RAP1GAP2: variants seen among roughly 807,000 people sequenced by gnomAD.
RAP1GAP2 encodes the protein RAP1 GTPase activating protein 2.
A neutral mutation model predicts 95.0 loss-of-function variants in RAP1GAP2; 27 were observed. The ratio of observed to expected loss-of-function variants is 0.28; its 90% CI spans 0.21 to 0.39. RAP1GAP2 has a LOEUF of 0.39. RAP1GAP2 is among the 10% of genes least tolerant of loss of function. The probability of loss-of-function intolerance (pLI) is 1.00; values close to 1 mark genes in which losing one functional copy is unlikely to be tolerated. For synonymous variants in RAP1GAP2, 373 were observed against 380.9 expected (o/e 0.98, Z 0.24); for missense variants, 771 against 970.0 (o/e 0.79, Z 2.72).
rs150434444 is a variant in RAP1GAP2, at chr17:3,029,103, TTTTTG to T, written c.2108-1799_2108-1795del. Among the ~76,000 whole-genome samples, 450 of 152,188 alleles carry T rather than the reference TTTTTG, an allele frequency of 3.0e-3. 2 individuals are homozygous for T. The highest frequency in any genetic ancestry group is 9.9e-3 in the African/African-American group (410 of 41,514). On this transcript the variant is annotated intron_variant, in intron 22 of 24. Coordinates refer to ENST00000254695, the MANE Select transcript of RAP1GAP2 (RefSeq NM_015085.5). This position sits in a 1 kb window ranked among gnomAD's most constrained non-coding sequence, Gnocchi z 4.4. The stretch of plus-strand genomic sequence containing the variant: ...GTGAGCCACCGCGCCTGACCTGGTG[TTTTTG>T]TTTTGTTTTGTTTTGTTTTCTAAAT...
chr17:3,023,142 T>C (rs1321019720), intron 19 of RAP1GAP2, among the ~76,000 whole-genome samples: 1 of 152,250 alleles, frequency 6.6e-6, no homozygotes, highest in Non-Finnish European at 1.5e-5. Context: ...AATGATCTTT[T>C]TGATGCATTG....
chr17:2,873,066 G>T (rs888684731), intron 2 of RAP1GAP2, among the ~76,000 whole-genome samples: 1 of 150,166 alleles, frequency 6.7e-6, no homozygotes, highest in African/African-American at 2.5e-5. Flanking sequence ...TTGCGCCACC[G>T]CACTCCAGCC....
At chr17:3,017,945 G>GTGTA (rs1287266751) in intron 17 of RAP1GAP2, 116 bp from the exon 18 acceptor site, 19 of 877,774 alleles carry the variant, frequency 2.2e-5, no homozygotes, top group Non-Finnish European at 2.9e-5. Context: ...GTGTGTGTGT[G>GTGTA]TGTATGTGTG....
Position 2,825,757 on chromosome 17 carries a change from G to A in RAP1GAP2, c.80+25207G>A, listed in dbSNP as rs1038135728. Reference sequence around the variant, plus strand: ...GCTGTTACTGAAGACAGAGCGTTTAGGTGTGAAGAGGGTCTGGTGCCCGCA... The same window carrying A: ...GCTGTTACTGAAGACAGAGCGTTTAAGTGTGAAGAGGGTCTGGTGCCCGCA... On this transcript the variant is annotated intron_variant, in intron 2 of 24. Transcript: ENST00000254695. This position sits in a 1 kb window ranked among gnomAD's most constrained non-coding sequence, Gnocchi z 4.1. 6.6e-6 allele frequency among the ~76,000 whole-genome samples: 1 copy of A among 152,078 alleles called. No homozygotes were observed. Among genetic ancestry groups the A allele is most frequent in the Admixed American group, 6.6e-5 (1 of 15,244 alleles).
At chr17:2,922,466 C>T (rs1357209350) in intron 3 of RAP1GAP2, among the ~76,000 whole-genome samples, 3 of 152,220 alleles carry the variant, frequency 2.0e-5, no homozygotes, top group Non-Finnish European at 4.4e-5. Context: ...CAGGGCTGCC[C>T]TCTCCTGGGA....
upstream of RAP1GAP2, among the ~76,000 whole-genome samples, chr17:2,794,582 C>G (rs1369986729): frequency 6.6e-6 from 1 of 152,236 alleles, no homozygotes; most frequent in East Asian, 1.9e-4. Flanking sequence ...CTGCTGGGGA[C>G]TAGCTGCCTT....
upstream of RAP1GAP2, among the ~76,000 whole-genome samples, chr17:2,772,855 C>CTTTTTTT (rs773565092): frequency 1.6e-5 from 2 of 126,036 alleles, no homozygotes; most frequent in African/African-American, 2.8e-5. Flanking sequence ...TTCTTTCTTT[C>CTTTTTTT]TTTTTTTTTT....
At chr17:2,874,182 C>T (rs904925378) in intron 2 of RAP1GAP2, among the ~76,000 whole-genome samples, 1 of 152,184 alleles carries the variant, frequency 6.6e-6, no homozygotes, top group Non-Finnish European at 1.5e-5. Context: ...CTGTATTCTG[C>T]AGATTAAATA....
rs960019353 is a variant in RAP1GAP2 at position 2,904,842 on chromosome 17, G to A, written c.81-442G>A. 1.3e-5 allele frequency among the ~76,000 whole-genome samples: 2 copies of A among 151,890 alleles called. No individual in the cohort carries two copies. Among genetic ancestry groups the A allele is most frequent in the African/African-American group, 4.8e-5 (2 of 41,318 alleles). On this transcript the variant is annotated intron_variant, in intron 2 of 24. Transcript: ENST00000254695. The surrounding 1 kb of genome is among the most constrained non-coding windows in gnomAD (Gnocchi z 4.7). ...GCACTGCTTTAGATTTTGGTGCATT[G>A]GAGTAAAGAAAATGCTCCCAATTCT...
At chr17:2,793,114 C>T (rs1334529202), upstream of RAP1GAP2, among the ~76,000 whole-genome samples, 2 of 152,154 alleles carry the variant, frequency 1.3e-5, no homozygotes, top group African/African-American at 2.4e-5. Context: ...GTCATTAACT[C>T]CCTCTAACTG....
At chr17:2,883,583 CT>C (rs931040156) in intron 2 of RAP1GAP2, among the ~76,000 whole-genome samples, 39 of 151,744 alleles carry the variant, frequency 2.6e-4, no homozygotes, top group African/African-American at 8.2e-4. Context: ...CTCCTGTTTT[CT>C]TTTTTTTTCC....
At chr17:2,993,311 C>T (rs919389392) in intron 12 of RAP1GAP2, among the ~76,000 whole-genome samples, 3 of 151,474 alleles carry the variant, frequency 2.0e-5, no homozygotes, top group East Asian at 2.0e-4. Flanking sequence ...TGGTGGCTCA[C>T]GCCTATAACC....
At chr17:3,011,246 TC>T (rs545952379) in intron 17 of RAP1GAP2, among the ~76,000 whole-genome samples, 1 of 152,062 alleles carries the variant, frequency 6.6e-6, no homozygotes, top group Non-Finnish European at 1.5e-5. Flanking sequence ...CCAGCTTTTT[TC>T]CCTCCCACCT....
At chr17:2,939,649 C>T (rs562986150) in intron 3 of RAP1GAP2, among the ~76,000 whole-genome samples, 12 of 152,298 alleles carry the variant, frequency 7.9e-5, no homozygotes, top group African/African-American at 2.6e-4. Flanking sequence ...GCCTTCCGTC[C>T]GGCCACGCGG....
chr17:2,946,636 C>T (rs1471459503), intron 3 of RAP1GAP2, among the ~76,000 whole-genome samples: 1 of 152,224 alleles, frequency 6.6e-6, no homozygotes, highest in Non-Finnish European at 1.5e-5. Context: ...GATGGTCCCT[C>T]CCACACAGCA....
Position 2,871,830 on chromosome 17 carries a change from T to TA in RAP1GAP2, c.81-33453dup, listed in dbSNP as rs1394882993. Among the ~76,000 whole-genome samples, 1 of 151,724 alleles carries TA rather than the reference T, an allele frequency of 6.6e-6. No individual in the cohort carries two copies. The highest frequency in any genetic ancestry group is 1.5e-5 in the Non-Finnish European group (1 of 67,784). ...AGAATGAGGTCATTCACGGCAATAT[T>TA]ATTTGAAATAGCAAAACACTGGAAA... On this transcript the variant is annotated intron_variant, in intron 2 of 24. Coordinates refer to ENST00000254695, the MANE Select transcript of RAP1GAP2 (RefSeq NM_015085.5). This position sits in a 1 kb window ranked among gnomAD's most constrained non-coding sequence, Gnocchi z 5.0.
intron 3 of RAP1GAP2, among the ~76,000 whole-genome samples, chr17:2,907,967 T>G (rs1363844878): frequency 2.6e-5 from 4 of 152,170 alleles, no homozygotes; most frequent in Admixed American, 2.6e-4. Flanking sequence ...CCACCACGCC[T>G]GGCTAACTTT....
intron 3 of RAP1GAP2, among the ~76,000 whole-genome samples, chr17:2,927,388 C>A (rs370789167): frequency 1.3e-5 from 2 of 151,746 alleles, no homozygotes; most frequent in Non-Finnish European, 2.9e-5. Context: ...CTCCTGACCT[C>A]GTGATCCGCC....
chr17:3,026,441 G>A lies in RAP1GAP2; in HGVS notation c.1957G>A (p.Ala653Thr). The change falls in exon 21 of 25, where the codon GCC becomes ACC. Residue 653 changes from alanine (A) to threonine (T), a missense_variant. Coordinates refer to ENST00000254695, the MANE Select transcript of RAP1GAP2 (RefSeq NM_015085.5). ...SVSSTAGEGEAMEEGDSGGSQ... is the reference protein window; with the variant it reads ...SVSSTAGEGETMEEGDSGGSQ... The stretch of plus-strand genomic sequence containing the variant: ...CAGCAGCACTGCAGGGGAGGGCGAG[G>A]CCATGGAGGAGGGCGACAGTGGGGT... 6.4e-7 allele frequency: 1 copy of A among 1,552,012 alleles called. No individual in the cohort carries two copies. Among genetic ancestry groups the A allele is most frequent in the South Asian group, 1.2e-5 (1 of 84,056 alleles).
Sources: allele counts gnomAD v4.1 joint callset (sites outside exome capture counted in the v4.1 genomes callset), GRCh38; gene constraint gnomAD v4.1.1; non-coding constraint Gnocchi (gnomAD v3.1); transcripts MANE v1.5; gene names NCBI Gene and HGNC (gene_info 2026-07-23, HGNC 2026-07-21).